Variants in RTN4RL1 observed in about 807,000 individuals in gnomAD.
RTN4RL1 encodes the protein reticulon 4 receptor like 1, also known as reticulon-4 receptor-like 1.
In RTN4RL1, 7 loss-of-function variants were observed where a neutral mutation model predicts 25.6. That is an observed-to-expected ratio of 0.27 (90% CI 0.16 to 0.51). The LOEUF (loss-of-function observed/expected upper bound fraction) is 0.51, where lower values mean the gene tolerates loss of function less well. RTN4RL1 is among the 20% of genes least tolerant of loss of function. The probability of loss-of-function intolerance (pLI) is 0.97; values close to 1 mark genes in which losing one functional copy is unlikely to be tolerated. For missense variants in RTN4RL1, 500 were observed against 615.6 expected (o/e 0.81, Z 1.99); for synonymous variants, 297 against 288.2 (o/e 1.03, Z -0.31).
At chr17:1,963,209 G>C (rs1055767022) in intron 1 of RTN4RL1, among the ~76,000 whole-genome samples, 3 of 152,156 alleles carry the variant, frequency 2.0e-5, no homozygotes, top group Non-Finnish European at 4.4e-5. Context: ...GCCCTCCCCA[G>C]CCTCATCTTT....
chr17:2,002,324 G>C (rs187160812), intron 1 of RTN4RL1, among the ~76,000 whole-genome samples: 1 of 139,542 alleles, frequency 7.2e-6, no homozygotes, highest in Non-Finnish European at 1.5e-5. Context: ...ACGGAGTCTT[G>C]CTCTGTCGCC....
At chr17:2,005,386 A>T (rs2066986048) in intron 1 of RTN4RL1, among the ~76,000 whole-genome samples, 1 of 152,176 alleles carries the variant, frequency 6.6e-6, no homozygotes, top group Non-Finnish European at 1.5e-5. Context: ...CATTTTACAG[A>T]TGAACTCAAG....
chr17:1,983,116 T>C (rs1242719401), intron 1 of RTN4RL1, among the ~76,000 whole-genome samples: 1 of 151,720 alleles, frequency 6.6e-6, no homozygotes, highest in Non-Finnish European at 1.5e-5. Flanking sequence ...AATGGCGCCA[T>C]CTCGGCTCAC....
At chr17:1,944,155 G>T (rs9895428) in intron 1 of RTN4RL1, among the ~76,000 whole-genome samples, 4,018 of 151,628 alleles carry the variant, frequency 0.026, 168 homozygotes, top group African/African-American at 0.091. Flanking sequence ...GAACTCCTGG[G>T]CTCGGCCTCC....
At chr17:1,950,275 G>A (rs1019528151) in intron 1 of RTN4RL1, among the ~76,000 whole-genome samples, 13 of 152,216 alleles carry the variant, frequency 8.5e-5, no homozygotes, top group African/African-American at 2.4e-4. Flanking sequence ...GATGGGGCCC[G>A]ACAGGACACA....
chr17:2,022,323 AT>A (rs1567535200), intron 1 of RTN4RL1, among the ~76,000 whole-genome samples: 1 of 150,964 alleles, frequency 6.6e-6, no homozygotes, highest in Admixed American at 6.6e-5. Context: ...CTCAAAAAAA[AT>A]TTTTTTTTGT....
chr17:1,936,120 G>T lies in RTN4RL1; in HGVS notation c.*376C>A. The T allele has an allele frequency of 9.6e-7, 1 of 1,041,434 alleles. No homozygotes were observed. The highest frequency in any genetic ancestry group is 4.2e-5 in the South Asian group (1 of 23,856). The allele number at this position is 1,041,434 out of a possible 1,614,324, so 64.5% of individuals were successfully genotyped here. Reference sequence around the variant, plus strand: ...GTCCTGCTTTCTCCAGGAACCACGGGGCCCTCCAGACCTCTCGGAACGATC... The same window carrying T: ...GTCCTGCTTTCTCCAGGAACCACGGTGCCCTCCAGACCTCTCGGAACGATC... On this transcript the variant is annotated 3_prime_UTR_variant, in exon 2 of 2. Transcript: ENST00000331238.
rs1431939183 is a variant in RTN4RL1 at position 1,936,803 on chromosome 17, C to A, written c.1019G>T (p.Gly340Val). ...GCCGGGCCGGGGGCCGTGCGGGTGGCCCTTGCTCCTGGTGGGGCCGTGGGG... is the reference window on the plus strand; with the variant it reads ...GCCGGGCCGGGGGCCGTGCGGGTGGACCTTGCTCCTGGTGGGGCCGTGGGG... Reference protein sequence around the residue: ...HSPHGPTRSKGHPHGPRPGHR... With the variant: ...HSPHGPTRSKVHPHGPRPGHR... Residue 340 changes from glycine (G) to valine (V), a missense_variant, in exon 2 of 2, where the codon GGC (glycine) becomes GTC (valine). Around this residue, in one of 2 missense-constraint regions of RTN4RL1, gnomAD observed 268 missense variants for 274.5 expected, o/e 0.98. Coordinates refer to ENST00000331238, the MANE Select transcript of RTN4RL1 (RefSeq NM_178568.4). 1 of 1,584,432 alleles carries A rather than the reference C, an allele frequency of 6.3e-7. No homozygotes were observed.
intron 1 of RTN4RL1, among the ~76,000 whole-genome samples, chr17:1,947,026 GTGCA>G (rs1299300497): frequency 5.2e-4 from 29 of 55,344 alleles, no homozygotes; most frequent in African/African-American, 1.3e-3. Context: ...GTGTCTGTGT[GTGCA>G]CATGTGTCTG....
At chr17:1,996,102 A>C (rs2066928426) in intron 1 of RTN4RL1, among the ~76,000 whole-genome samples, 1 of 152,232 alleles carries the variant, frequency 6.6e-6, no homozygotes, top group Non-Finnish European at 1.5e-5. Flanking sequence ...AAGTGTTGGC[A>C]GGGGAGGAGC....
chr17:1,979,734 G>A (rs938991841), intron 1 of RTN4RL1, among the ~76,000 whole-genome samples: 2 of 152,198 alleles, frequency 1.3e-5, no homozygotes, highest in African/African-American at 4.8e-5. Context: ...CAGAAAAGGG[G>A]AAAAAACAGG....
At chr17:1,988,132 A>G (rs961016884) in intron 1 of RTN4RL1, among the ~76,000 whole-genome samples, 8 of 149,092 alleles carry the variant, frequency 5.4e-5, no homozygotes, top group African/African-American at 1.5e-4. Context: ...AAAGGAAAAG[A>G]AGGAGGCCGG....
chr17:2,013,196 G>A (rs1384016382), intron 1 of RTN4RL1, among the ~76,000 whole-genome samples: 1 of 152,186 alleles, frequency 6.6e-6, no homozygotes, highest in African/African-American at 2.4e-5. Flanking sequence ...AGAGAGAAGT[G>A]AGGGGGACAG....
rs771775825 is a variant in RTN4RL1, at chr17:1,937,653, C to T, written c.169G>A (p.Glu57Lys). ...CGGTTGTTCTGCAGGAAGACGCGCTCGCTGTCCACGGGGATGCCCTCCGGG... is the reference window on the plus strand; with the variant it reads ...CGGTTGTTCTGCAGGAAGACGCGCTTGCTGTCCACGGGGATGCCCTCCGGG... Reference protein sequence around the residue: ...AIPEGIPVDSERVFLQNNRIG... With the variant: ...AIPEGIPVDSKRVFLQNNRIG... The change falls in exon 2 of 2, where the codon GAG becomes AAG. Residue 57 changes from glutamate (E) to lysine (K), a missense_variant. Physicochemically the swap from Glu to Lys is moderately conservative, Grantham distance 56 (BLOSUM62 1). This residue lies in a region of RTN4RL1 where 232 missense variants were observed against 341.1 expected (regional missense o/e 0.68). Coordinates refer to ENST00000331238, the MANE Select transcript of RTN4RL1 (RefSeq NM_178568.4). 2.5e-6 allele frequency: 4 copies of T among 1,613,688 alleles called. No individual in the cohort carries two copies. Among genetic ancestry groups the T allele is most frequent in the Non-Finnish European group, 2.5e-6 (3 of 1,179,830 alleles).
chr17:2,008,779 G>T (rs538627183), intron 1 of RTN4RL1, among the ~76,000 whole-genome samples: 1 of 152,186 alleles, frequency 6.6e-6, no homozygotes, highest in African/African-American at 2.4e-5. Flanking sequence ...CAACCTTCCT[G>T]TCAAGCCTCT....
At chr17:1,961,809 G>T (rs551649462) in intron 1 of RTN4RL1, among the ~76,000 whole-genome samples, 3 of 131,902 alleles carry the variant, frequency 2.3e-5, no homozygotes, top group Non-Finnish European at 4.8e-5. Context: ...TTAGCAGGGC[G>T]TGGTGGCATG....
At chr17:2,023,314 A>G (rs967268707) in intron 1 of RTN4RL1, among the ~76,000 whole-genome samples, 2 of 152,138 alleles carry the variant, frequency 1.3e-5, no homozygotes, top group Non-Finnish European at 1.5e-5. Flanking sequence ...CGGTTGCTGA[A>G]AGGACTTTTT....
At chr17:2,024,711 T>G in intron 1 of RTN4RL1, 142 bp downstream of exon 1, 1 of 724,268 alleles carries the variant, frequency 1.4e-6, no homozygotes, top group Non-Finnish European at 2.2e-6. Flanking sequence ...CAGCAGCCCC[T>G]CGGCGGGTGC....
chr17:1,977,518 C>A (rs1199048714), intron 1 of RTN4RL1, among the ~76,000 whole-genome samples: 2 of 152,102 alleles, frequency 1.3e-5, no homozygotes, highest in Non-Finnish European at 2.9e-5. Flanking sequence ...CCGCCCAGTG[C>A]CGCCCCCCAC....
Sources: allele counts gnomAD v4.1 joint callset (sites outside exome capture counted in the v4.1 genomes callset), GRCh38; gene constraint gnomAD v4.1.1; regional missense constraint gnomAD v4.1.1; transcripts MANE v1.5; gene names NCBI Gene and HGNC (gene_info 2026-07-23, HGNC 2026-07-21).